Variants in KLHL7 observed in about 807,000 individuals in gnomAD.
KLHL7 encodes kelch like family member 7.
A neutral mutation model predicts 67.4 loss-of-function variants in KLHL7; 44 were observed. That is an observed-to-expected ratio of 0.65 (90% CI 0.51 to 0.84). KLHL7 has a LOEUF of 0.84. KLHL7 is among the 40% of genes least tolerant of loss of function. The probability of loss-of-function intolerance (pLI) is 0.00; values close to 1 mark genes in which losing one functional copy is unlikely to be tolerated. For missense variants in KLHL7, 362 were observed against 718.1 expected, an observed-to-expected ratio of 0.50 and a Z score of 5.67; for synonymous variants, 252 against 243.3, an observed-to-expected ratio of 1.04 and a Z score of -0.33.
At chr7:23,171,848 T>C (rs552958425) in intron 9 of KLHL7, among the ~76,000 whole-genome samples, 1 of 152,338 alleles carries the variant, frequency 6.6e-6, no homozygotes, top group African/African-American at 2.4e-5. Flanking sequence ...TAGCTGGGAC[T>C]ACAGGCGCCT....
chr7:23,167,717 T>G (rs1427416686), intron 8 of KLHL7, 119 bp from the exon 9 acceptor site: 1 of 819,752 alleles, frequency 1.2e-6, no homozygotes, highest in African/African-American at 1.7e-5. Flanking sequence ...TGATTGAGTA[T>G]GAAAATGGCC....
chr7:23,115,539 T>G (rs941362765), intron 1 of KLHL7, among the ~76,000 whole-genome samples: 25 of 151,544 alleles, frequency 1.6e-4, no homozygotes, highest in African/African-American at 5.8e-4. Flanking sequence ...TCATTTTGGG[T>G]TTTTTTTGTT....
intron 1 of KLHL7, among the ~76,000 whole-genome samples, chr7:23,116,045 C>A (rs1330440041): frequency 6.6e-6 from 1 of 152,200 alleles, no homozygotes; most frequent in African/African-American, 2.4e-5. Context: ...AAAGCCTTCT[C>A]TCATTTTTGA....
intron 1 of KLHL7, among the ~76,000 whole-genome samples, chr7:23,108,942 G>C (rs533568238): frequency 1.3e-5 from 2 of 152,212 alleles, no homozygotes; most frequent in Admixed American, 1.3e-4. Context: ...TGAACATTTG[G>C]GTTATTTCTA....
chr7:23,126,397 G>A (rs762553656), intron 4 of KLHL7, among the ~76,000 whole-genome samples: 1 of 152,192 alleles, frequency 6.6e-6, no homozygotes, highest in South Asian at 2.1e-4. Context: ...TACGCTTGTT[G>A]TGATTCAGAG....
intron 7 of KLHL7, among the ~76,000 whole-genome samples, chr7:23,161,626 G>C (rs1784856395): frequency 6.6e-6 from 1 of 152,182 alleles, no homozygotes. Flanking sequence ...GTTGGTTACA[G>C]GTCCCTCTGG....
At chr7:23,172,341 G>T (rs905244903) in intron 9 of KLHL7, among the ~76,000 whole-genome samples, 2 of 152,166 alleles carry the variant, frequency 1.3e-5, no homozygotes, top group African/African-American at 4.8e-5. Context: ...ATATATTAGT[G>T]GCTGTGAACA....
intron 7 of KLHL7, among the ~76,000 whole-genome samples, chr7:23,160,182 C>G (rs1165118763): frequency 1.3e-5 from 2 of 152,172 alleles, no homozygotes; most frequent in Non-Finnish European, 2.9e-5. Context: ...GTGTAATATA[C>G]CTTGCTGCGC....
At chr7:23,159,159 C>A (rs779824045) in intron 7 of KLHL7, among the ~76,000 whole-genome samples, 23 of 152,128 alleles carry the variant, frequency 1.5e-4, no homozygotes, top group Non-Finnish European at 3.4e-4. Flanking sequence ...GGTCTTTTGT[C>A]TTTTGTGAGA....
intron 3 of KLHL7, 115 bp downstream of exon 3, chr7:23,124,896 T>C (rs1238398350): frequency 9.1e-7 from 1 of 1,101,948 alleles, no homozygotes; most frequent in Non-Finnish European, 1.4e-6. Context: ...ACCGCAAGGA[T>C]GGAAGAGTTT....
At chr7:23,130,111 A>G (rs1282186199) in intron 4 of KLHL7, among the ~76,000 whole-genome samples, 5 of 152,206 alleles carry the variant, frequency 3.3e-5, no homozygotes, top group Non-Finnish European at 7.3e-5. Flanking sequence ...ATTCAAAAAC[A>G]TCATTGGTGT....
At chr7:23,163,622 G>T (rs576827391) in intron 7 of KLHL7, among the ~76,000 whole-genome samples, 36 of 152,286 alleles carry the variant, frequency 2.4e-4, no homozygotes, top group African/African-American at 8.2e-4. Context: ...CCTACAAAAA[G>T]GAAAGCAGTC....
At chr7:23,165,621 T>C in intron 7 of KLHL7, 77 bp from the exon 8 acceptor site, 1 of 1,492,900 alleles carries the variant, frequency 6.7e-7, no homozygotes, top group Non-Finnish European at 9.3e-7. Flanking sequence ...TATATGTTTT[T>C]TGACTGTATC....
At position 23,175,526 on chromosome 7, in the gene KLHL7, T is replaced by TC; in HGVS notation, c.*1228_*1229insC. 1 of 349,182 alleles carries TC rather than the reference T, an allele frequency of 2.9e-6. No individual in the cohort carries two copies. Among genetic ancestry groups the TC allele is most frequent in the Non-Finnish European group, 5.5e-6 (1 of 182,724 alleles). 21.6% of individuals were successfully genotyped at this position (349,182 alleles called of 1,614,324 possible). A position where few individuals can be genotyped will look rare whatever the true frequency, so the allele number is the denominator to read the frequency against. On this transcript the variant is annotated 3_prime_UTR_variant, in exon 11 of 11. Coordinates refer to ENST00000339077, the MANE Select transcript of KLHL7 (RefSeq NM_001031710.3). ...AGTTTTCTTTATATAGAGGTTATAA[T>TC]AGTCTTAAACCCTAAAAATGTTTAA...
At chr7:23,118,018 G>C in intron 1 of KLHL7, 1 of 1,594,970 alleles carries the variant, frequency 6.3e-7, no homozygotes, top group Admixed American at 1.7e-5. Context: ...AGAACGTGGG[G>C]CAGTTGACTG....
Position 23,143,868 on chromosome 7 carries a change from C to T in KLHL7, c.636C>T (p.Val212=). The T allele has an allele frequency of 6.2e-7, 1 of 1,614,076 alleles. No homozygotes were observed. The change falls in exon 6 of 11, where the codon GTC becomes GTT. Residue 212 remains valine (V), a synonymous_variant. Transcript: ENST00000339077. The part of the protein sequence containing the change: ...RAEDQVYDAA[V]RWLKYDEPNR... ...CCCCTTAGGTTTATGATGCTGCAGT[C>T]AGGTGGTTGAAATACGATGAACCTA... is the stretch of plus-strand genomic sequence containing the variant.
intron 8 of KLHL7, among the ~76,000 whole-genome samples, chr7:23,166,331 T>C (rs892276069): frequency 2.0e-5 from 3 of 152,186 alleles, no homozygotes; most frequent in African/African-American, 7.2e-5. Context: ...GCTTTCTTTT[T>C]ATTAGAAAAA....
At chr7:23,125,796 T>C (rs547516386) in intron 4 of KLHL7, 1 of 1,539,878 alleles carries the variant, frequency 6.5e-7, no homozygotes, top group African/African-American at 1.4e-5. Context: ...CCTTCCAGAG[T>C]GTGGTATGCT....
At position 23,124,190 on chromosome 7, in the gene KLHL7, C is replaced by CAAAAAAA; in HGVS notation, c.223+337_223+343dup. Among the ~76,000 whole-genome samples the CAAAAAAA allele has an allele frequency of 1.0e-3, 27 of 25,872 alleles. 5 individuals carry two copies. The highest frequency in any genetic ancestry group is 2.5e-3 in the African/African-American group (16 of 6,298). 17.0% of individuals were successfully genotyped at this position (25,872 alleles called of 152,430 possible). A position where few individuals can be genotyped will look rare whatever the true frequency, so the allele number is the denominator to read the frequency against. ...TGGGCGTCAGAGCGAGACTCTGTCT[C>CAAAAAAA]AAAAAAAAAAAAAAAAAAAAAAAAA... On this transcript the variant is annotated intron_variant, in intron 2 of 10. Transcript: ENST00000339077.
Sources: gnomAD v4.1 joint callset for allele counts (sites outside exome capture counted in the v4.1 genomes callset) on GRCh38, gnomAD v4.1.1 for gene constraint, MANE v1.5 for transcripts, NCBI Gene and HGNC (gene_info 2026-07-23, HGNC 2026-07-21) for gene names.